The following PLA1A variants were observed in gnomAD, a reference collection of about 807,000 sequenced individuals.
PLA1A encodes phosphatidylserine-specific phospholipase A1alpha.
PLA1A carries 47 observed loss-of-function variants against 49.4 expected under a neutral mutation model. That is an observed-to-expected ratio of 0.95 (90% CI 0.75 to 1.21). The LOEUF is 1.21. PLA1A is among the 50% of genes most tolerant of loss of function. The probability of loss-of-function intolerance (pLI) is 0.00; values close to 1 mark genes in which losing one functional copy is unlikely to be tolerated. For synonymous variants in PLA1A, 224 were observed against 207.9 expected, an observed-to-expected ratio of 1.08 and a Z score of -0.67; for missense variants, 561 against 563.9, an observed-to-expected ratio of 0.99 and a Z score of 0.05.
intron 9 of PLA1A, among the ~76,000 whole-genome samples, chr3:119,625,936 T>C (rs1028369258): frequency 6.6e-6 from 1 of 152,104 alleles, no homozygotes; most frequent in Non-Finnish European, 1.5e-5. Context: ...CGGTTAGTTA[T>C]TCACAAGCCA....
Position 119,606,967 on chromosome 3 carries a change from T to C in PLA1A, c.267T>C (p.His89=). 1 of 1,612,652 alleles carries C rather than the reference T, an allele frequency of 6.2e-7. No homozygotes were observed. The highest frequency in any genetic ancestry group is 8.5e-7 in the Non-Finnish European group (1 of 1,178,642). ...NATLGTKLII[H]GFRVLGTKPS... Reference sequence around the variant, plus strand: ...CTCTGGGAACCAAACTAATTATCCATGGATTCAGGTGGGAGTTAAATAACC... The same window carrying C: ...CTCTGGGAACCAAACTAATTATCCACGGATTCAGGTGGGAGTTAAATAACC... Residue 89 remains histidine, a synonymous_variant, in exon 2 of 11, where the codon CAT becomes CAC. Coordinates refer to ENST00000273371, the MANE Select transcript of PLA1A (RefSeq NM_015900.4).
chr3:119,607,206 G>T (rs1670126725), intron 2 of PLA1A: 3 of 545,708 alleles, frequency 5.5e-6, no homozygotes, highest in African/African-American at 1.9e-5. Flanking sequence ...ACACACTCAC[G>T]AACAGTACAT....
intron 9 of PLA1A, 41 bp downstream of exon 9, chr3:119,625,273 G>A (rs2052501877): frequency 1.5e-6 from 2 of 1,315,002 alleles, no homozygotes; most frequent in South Asian, 2.4e-5. Context: ...CCCCTTAGGA[G>A]TTGGTTACTT....
chr3:119,605,645 C>T (rs1385686843), intron 1 of PLA1A, among the ~76,000 whole-genome samples: 2 of 152,214 alleles, frequency 1.3e-5, no homozygotes, highest in Non-Finnish European at 2.9e-5. Context: ...TCAGCATGTA[C>T]CCTGCTGCTC....
chr3:119,610,119 T>A (rs1250746928), intron 4 of PLA1A, among the ~76,000 whole-genome samples: 4 of 152,240 alleles, frequency 2.6e-5, no homozygotes, highest in Admixed American at 2.6e-4. Flanking sequence ...GAAAATCACC[T>A]CCAGCTACAT....
At chr3:119,623,088 C>T (rs1425309838) in intron 8 of PLA1A, among the ~76,000 whole-genome samples, 1 of 152,152 alleles carries the variant, frequency 6.6e-6, no homozygotes, top group Non-Finnish European at 1.5e-5. Flanking sequence ...CTTAGCCTCC[C>T]AAAGTGCTGG....
intron 5 of PLA1A, among the ~76,000 whole-genome samples, chr3:119,614,610 A>T (rs949960027): frequency 1.4e-5 from 2 of 142,528 alleles, no homozygotes; most frequent in East Asian, 3.9e-4. Flanking sequence ...CGTCTCAAAA[A>T]AAAAAAAAAA....
At chr3:119,622,707 C>A (rs894837023) in intron 8 of PLA1A, among the ~76,000 whole-genome samples, 1 of 151,962 alleles carries the variant, frequency 6.6e-6, no homozygotes, top group African/African-American at 2.4e-5. Context: ...GTTCCCATCA[C>A]CAAAGGAGCC....
intron 8 of PLA1A, among the ~76,000 whole-genome samples, chr3:119,622,625 T>A (rs2082958840): frequency 6.6e-6 from 1 of 152,116 alleles, no homozygotes; most frequent in South Asian, 2.1e-4. Context: ...CCTTCCCCAA[T>A]GTTAGCCCAT....
At chr3:119,602,105 A>G (rs140685021) in intron 1 of PLA1A, among the ~76,000 whole-genome samples, 2 of 152,222 alleles carry the variant, frequency 1.3e-5, no homozygotes, top group East Asian at 1.9e-4. Context: ...GTTTATGTTT[A>G]TAAATGAAAG....
chr3:119,629,477 G>A lies in PLA1A; in HGVS notation c.*9G>A. Reference sequence around the variant, plus strand: ...AGATAGCCTGTGTGTAGTTTAACCTGGGCAGGACACATCTCCCTGCATTTT... The same window carrying A: ...AGATAGCCTGTGTGTAGTTTAACCTAGGCAGGACACATCTCCCTGCATTTT... On this transcript the variant is annotated 3_prime_UTR_variant, in exon 11 of 11. Coordinates refer to ENST00000273371, the MANE Select transcript of PLA1A (RefSeq NM_015900.4). 2 of 1,536,120 alleles carry A rather than the reference G, an allele frequency of 1.3e-6. No homozygotes were observed. The highest frequency in any genetic ancestry group is 1.8e-6 in the Non-Finnish European group (2 of 1,111,736).
chr3:119,613,115 G>C lies in PLA1A; in HGVS notation c.661G>C (p.Asp221His). The C allele has an allele frequency of 6.3e-7, 1 of 1,599,822 alleles. No homozygotes were observed. Among genetic ancestry groups the C allele is most frequent in the East Asian group, 2.2e-5 (1 of 44,608 alleles). ...CGTGGAAGCCATCCACACAGACACC[G>C]ACAGTGAGCTGGGGTGACCTTCCTG... is the stretch of plus-strand genomic sequence containing the variant. The part of the protein sequence containing the change: ...LFVEAIHTDT[D>H]NLGIRIPVGH... The change falls in exon 5 of 11, where the codon GAC becomes CAC. Residue 221 changes from aspartate (D) to histidine (H), a missense_variant. By Grantham distance (81) the Asp-to-His change is moderately conservative. Coordinates refer to ENST00000273371, the MANE Select transcript of PLA1A (RefSeq NM_015900.4).
chr3:119,629,686 T>C lies in PLA1A; in HGVS notation c.*218T>C, dbSNP rs2052599769. The C allele has an allele frequency of 1.9e-6, 1 of 519,004 alleles. No homozygotes were observed. The highest frequency in any genetic ancestry group is 3.4e-6 in the Non-Finnish European group (1 of 292,874). 32.1% of individuals were successfully genotyped at this position (519,004 alleles called of 1,614,324 possible). The stretch of plus-strand genomic sequence containing the variant: ...TTGCCGATCTTATGTACATACCCAT[T>C]TTAGCTTTCCCATGCATACTTAACT... On this transcript the variant is annotated 3_prime_UTR_variant, in exon 11 of 11. Transcript: ENST00000273371.
Position 119,606,971 on chromosome 3 carries a change from T to C in PLA1A, c.271T>C (p.Phe91Leu). 6.8e-6 allele frequency: 11 copies of C among 1,611,952 alleles called. No homozygotes were observed. Among genetic ancestry groups the C allele is most frequent in the Non-Finnish European group, 9.3e-6 (11 of 1,178,026 alleles). ...GGGAACCAAACTAATTATCCATGGA[T>C]TCAGGTGGGAGTTAAATAACCAACA... is the stretch of plus-strand genomic sequence containing the variant. Reference protein sequence around the residue: ...TLGTKLIIHGFRVLGTKPSWI... With the variant: ...TLGTKLIIHGLRVLGTKPSWI... The change falls in exon 2 of 11, where the codon TTC becomes CTC. Residue 91 changes from phenylalanine to leucine, a missense_variant. Phe to Leu is a conservative substitution (Grantham distance 22, BLOSUM62 0). Coordinates refer to ENST00000273371, the MANE Select transcript of PLA1A (RefSeq NM_015900.4).
rs557070087 is a variant in PLA1A, at chr3:119,626,351, GCA to G, written c.1121+1127_1121+1128del. Reference sequence around the variant, plus strand: ...CAGAGCAAACAGGGAAATGACCAGTGCACACACACTTAAATGAGTGAGCAATG... The same window carrying G: ...CAGAGCAAACAGGGAAATGACCAGTGCACACACTTAAATGAGTGAGCAATG... On this transcript the variant is annotated intron_variant, in intron 9 of 10. Coordinates refer to ENST00000273371, the MANE Select transcript of PLA1A (RefSeq NM_015900.4). Among the ~76,000 whole-genome samples, 843 of 152,332 alleles carry G rather than the reference GCA, an allele frequency of 5.5e-3. 2 individuals carry two copies. Among genetic ancestry groups the G allele is most frequent in the Admixed American group, 9.1e-3 (139 of 15,298 alleles).
chr3:119,609,374 G>A, intron 3 of PLA1A, 94 bp from the exon 4 acceptor site: 1 of 816,636 alleles, frequency 1.2e-6, no homozygotes, highest in Non-Finnish European at 2.2e-6. Flanking sequence ...TCATGCCCAG[G>A]GCCTCGGCTT....
At chr3:119,620,497 A>T (rs1308030123) in intron 8 of PLA1A, among the ~76,000 whole-genome samples, 1 of 152,180 alleles carries the variant, frequency 6.6e-6, no homozygotes, top group Non-Finnish European at 1.5e-5. Flanking sequence ...TTCAAATCTC[A>T]GCTTCTCCAC....
At chr3:119,600,104 G>A (rs2082597398) in intron 1 of PLA1A, among the ~76,000 whole-genome samples, 1 of 152,132 alleles carries the variant, frequency 6.6e-6, no homozygotes, top group Non-Finnish European at 1.5e-5. Flanking sequence ...GAGAGCTCAA[G>A]GTAAAGGAAA....
At chr3:119,625,299 A>C in intron 9 of PLA1A, 67 bp downstream of exon 9, 4 of 999,220 alleles carry the variant, frequency 4.0e-6, no homozygotes, top group Non-Finnish European at 6.3e-6. Context: ...TTTTACACAC[A>C]TGGACATCCC....
Sources: allele counts gnomAD v4.1 joint callset (sites outside exome capture counted in the v4.1 genomes callset), GRCh38; gene constraint gnomAD v4.1.1; transcripts MANE v1.5; gene names NCBI Gene and HGNC (gene_info 2026-07-23, HGNC 2026-07-21).